Variants in METTL6 observed in about 807,000 individuals in gnomAD.
METTL6 encodes the protein methyltransferase 6, tRNA N3-cytidine, also known as tRNA N(3)-cytidine methyltransferase METTL6.
METTL6 carries 22 observed loss-of-function variants against 26.4 expected under a neutral mutation model. The ratio of observed to expected loss-of-function variants is 0.83; its 90% CI spans 0.59 to 1.19. The LOEUF is 1.19. METTL6 is among the 50% of genes most tolerant of loss of function. The pLI is 0.00. For missense variants in METTL6, 304 were observed against 324.8 expected (o/e 0.94, Z 0.49); for synonymous variants, 109 against 116.2 (o/e 0.94, Z 0.40).
At chr3:15,427,559 C>T, upstream of METTL6, 1 of 553,490 alleles carries the variant, frequency 1.8e-6, no homozygotes, top group Non-Finnish European at 3.2e-6. Context: ...AAGTTCCTAC[C>T]CGACGCCGGA....
At chr3:15,391,721 T>G (rs1425143124) in intron 6 of METTL6, among the ~76,000 whole-genome samples, 1 of 146,716 alleles carries the variant, frequency 6.8e-6, no homozygotes, top group Non-Finnish European at 1.5e-5. Flanking sequence ...ACTGTTCAAT[T>G]CCCACCTATG....
rs1700184947 is a variant in METTL6 at position 15,415,902 on chromosome 3, T to C, written c.401A>G (p.Gln134Arg). 1.2e-6 allele frequency: 2 copies of C among 1,613,704 alleles called. No homozygotes were observed. Among genetic ancestry groups the C allele is most frequent in the South Asian group, 2.2e-5 (2 of 91,034 alleles). The change falls in exon 4 of 6, where the codon CAG (glutamine) becomes CGG (arginine). Residue 134 changes from glutamine to arginine, a missense_variant. Physicochemically the swap from Gln to Arg is conservative, Grantham distance 43. Transcript: ENST00000383790. ...LYDTERCKVF[Q>R]CDLTKDDLLD... ...AAGATCATCTTTAGTCAGATCACAC[T>C]GGAATACCTTGCATCTTTCTGTATC...
intron 3 of METTL6, among the ~76,000 whole-genome samples, chr3:15,419,871 T>C (rs2061571205): frequency 6.6e-6 from 1 of 150,744 alleles, no homozygotes; most frequent in Non-Finnish European, 1.5e-5. Flanking sequence ...CTTTTTTTTT[T>C]TTTTTTTTGA....
At chr3:15,415,627 C>T (rs1700170534) in intron 4 of METTL6, 145 bp downstream of exon 4, 1 of 1,609,108 alleles carries the variant, frequency 6.2e-7, no homozygotes, top group Admixed American at 1.7e-5. Flanking sequence ...TGCCAGAGGA[C>T]CCCTTTCTAT....
At chr3:15,392,417 T>C (rs571878939) in intron 6 of METTL6, among the ~76,000 whole-genome samples, 1 of 152,300 alleles carries the variant, frequency 6.6e-6, no homozygotes, top group East Asian at 1.9e-4. Context: ...GATGAGTAGG[T>C]TGCAAAAATT....
chr3:15,399,406 A>T (rs1699577671), intron 6 of METTL6: 1 of 151,768 alleles, frequency 6.6e-6, no homozygotes, highest in South Asian at 2.1e-4. Context: ...TTTCTTACTC[A>T]AGGTCCAAGA....
In METTL6 at chr3:15,410,262, A is replaced by G. The variant is rs1050235837; in HGVS notation, c.*994T>C. Among the ~76,000 whole-genome samples, 2 of 152,150 alleles carry G rather than the reference A, an allele frequency of 1.3e-5. No individual in the cohort carries two copies. The highest frequency in any genetic ancestry group is 6.5e-5 in the Admixed American group (1 of 15,270). On this transcript the variant is annotated 3_prime_UTR_variant, in exon 6 of 6. Coordinates refer to ENST00000383790, the MANE Select transcript of METTL6 (RefSeq NM_152396.4). ...AAACCAAGATGGTACCAAACTCTAA[A>G]AAAAAAAGAACAACTTTAACAATAT...
rs111927158 is a variant in METTL6, at chr3:15,391,161, G to A, written c.*12-6974C>T. ...CCACTTGTATCCTTGACAATCAGCC[G>A]TTTGTATCCCCAATGCTCAGCTGCT... On this transcript the variant is annotated intron_variant, in intron 6 of 6. Transcript: ENST00000443029. Among the ~76,000 whole-genome samples the A allele has an allele frequency of 7.6e-3, 1,159 of 152,306 alleles. 22 individuals carry two copies. The highest frequency in any genetic ancestry group is 0.027 in the African/African-American group (1,107 of 41,552).
intron 6 of METTL6, among the ~76,000 whole-genome samples, chr3:15,388,856 A>G (rs1365802410): frequency 6.6e-6 from 1 of 152,238 alleles, no homozygotes; most frequent in Non-Finnish European, 1.5e-5. Context: ...AAGTTAGTTC[A>G]GCCTACACTC....
intron 6 of METTL6, among the ~76,000 whole-genome samples, chr3:15,389,512 G>A (rs538079660): frequency 2.9e-4 from 44 of 151,996 alleles, no homozygotes; most frequent in African/African-American, 1.0e-3. Flanking sequence ...TTGGGGTGAG[G>A]TTGCCTTGCC....
chr3:15,427,154 T>C (rs1352765788), intron 1 of METTL6, among the ~76,000 whole-genome samples: 2 of 152,308 alleles, frequency 1.3e-5, no homozygotes, highest in South Asian at 4.1e-4. Context: ...AGCGTCACTT[T>C]GCAGGGACTG....
chr3:15,415,624 G>A, intron 4 of METTL6, 148 bp downstream of exon 4: 1 of 1,609,398 alleles, frequency 6.2e-7, no homozygotes, highest in Non-Finnish European at 8.5e-7. Flanking sequence ...TTATGCCAGA[G>A]GACCCCTTTC....
At chr3:15,422,010 G>A (rs949118005) in intron 3 of METTL6, among the ~76,000 whole-genome samples, 1 of 152,230 alleles carries the variant, frequency 6.6e-6, no homozygotes, top group South Asian at 2.1e-4. Context: ...AGTCTAATGT[G>A]GCTGAGTGTG....
chr3:15,427,136 C>G (rs1406228342), intron 1 of METTL6, among the ~76,000 whole-genome samples: 1 of 152,214 alleles, frequency 6.6e-6, no homozygotes, highest in African/African-American at 2.4e-5. Flanking sequence ...GTCATAGGAA[C>G]CAGAGGGAGC....
chr3:15,420,504 T>A (rs980367523), intron 3 of METTL6, among the ~76,000 whole-genome samples: 2 of 152,230 alleles, frequency 1.3e-5, no homozygotes, highest in Non-Finnish European at 2.9e-5. Context: ...CTCTAAGCAG[T>A]ACACATCATT....
chr3:15,386,959 A>C (rs1004098756), intron 6 of METTL6, among the ~76,000 whole-genome samples: 3 of 151,328 alleles, frequency 2.0e-5, no homozygotes, highest in African/African-American at 7.3e-5. Context: ...CGCCCGGCTA[A>C]TTTTGTATTT....
intron 5 of METTL6, 21 bp from the exon 6 acceptor site, chr3:15,411,458 A>G (rs771303789): frequency 3.7e-6 from 6 of 1,610,244 alleles, no homozygotes; most frequent in African/African-American, 2.7e-5. Flanking sequence ...AGCATCAACA[A>G]TGCTCAACAG....
At position 15,391,689 on chromosome 3, in the gene METTL6, C is replaced by T. The variant is rs7372073; in HGVS notation, c.*12-7502G>A. ...ATAGGCCCCGGTGTGTGATGTTCCC[C>T]TTCCTGTGTCCATGTGTTCTCACTG... On this transcript the variant is annotated intron_variant, in intron 6 of 6. Coordinates refer to the METTL6 transcript ENST00000443029. 7.4e-3 allele frequency among the ~76,000 whole-genome samples: 1,008 copies of T among 136,794 alleles called. 32 individuals carry two copies. The highest frequency in any genetic ancestry group is 0.068 in the Admixed American group (911 of 13,418). 89.7% of individuals were successfully genotyped at this position (136,794 alleles called of 152,430 possible).
Position 15,411,184 on chromosome 3 carries a change from C to A in METTL6, c.*72G>T. 1 of 1,509,424 alleles carries A rather than the reference C, an allele frequency of 6.6e-7. No homozygotes were observed. Among genetic ancestry groups the A allele is most frequent in the East Asian group, 2.3e-5 (1 of 43,824 alleles). The allele number at this position is 1,509,424 out of a possible 1,614,324, so 93.5% of individuals were successfully genotyped here. A position where few individuals can be genotyped will look rare whatever the true frequency, so the allele number is the denominator to read the frequency against. On this transcript the variant is annotated 3_prime_UTR_variant, in exon 6 of 6. Transcript: ENST00000383790. ...TGCTGGGATTACAGGCATGAGCCAC[C>A]GCACCCAGACGAAAGAGTGATTTTA...
Sources: gnomAD v4.1 joint callset for allele counts (sites outside exome capture counted in the v4.1 genomes callset) on GRCh38, gnomAD v4.1.1 for gene constraint, MANE v1.5 for transcripts, NCBI Gene and HGNC (gene_info 2026-07-23, HGNC 2026-07-21) for gene names.